RAI14: variants seen among roughly 807,000 people sequenced by gnomAD.
RAI14 encodes the protein ankycorbin.
A neutral mutation model predicts 115.4 loss-of-function variants in RAI14; 45 were observed. The observed-to-expected ratio is 0.39, with a 90% CI of 0.31 to 0.50. RAI14 has a LOEUF of 0.50. Ranked by LOEUF, RAI14 falls within the 20% of genes least tolerant of loss-of-function variation. RAI14 has a pLI of 0.85. For synonymous variants in RAI14, 371 were observed against 415.4 expected (o/e 0.89, Z 1.30); for missense variants, 939 against 1,131.2 (o/e 0.83, Z 2.44).
rs372212504 is a variant in RAI14, at chr5:34,708,206, TG to T, written c.36+21252del. On this transcript the variant is annotated intron_variant, in intron 2 of 17. Transcript: ENST00000265109. ...TAAGTATAAGGGAACTTTGGGTTTTTGTTTTTTTTTTTTGAGACCGAGTTTC... is the reference window on the plus strand; with the variant it reads ...TAAGTATAAGGGAACTTTGGGTTTTTTTTTTTTTTTTTGAGACCGAGTTTC... Among the ~76,000 whole-genome samples the T allele has an allele frequency of 1.5e-3, 228 of 150,988 alleles. 2 individuals are homozygous for T. Among genetic ancestry groups the T allele is most frequent in the African/African-American group, 5.1e-3 (208 of 41,064 alleles).
rs191034843 is a variant in RAI14 at position 34,660,301 on chromosome 5, G to A, written c.-49+3826G>A. Reference sequence around the variant, plus strand: ...TACAAAATTACCCAGGCGTGGTGGCGCATGCCTGTAATCCCAGCTACTCGG... The same window carrying A: ...TACAAAATTACCCAGGCGTGGTGGCACATGCCTGTAATCCCAGCTACTCGG... On this transcript the variant is annotated intron_variant, in intron 1 of 17. Transcript: ENST00000265109. Among the ~76,000 whole-genome samples the A allele has an allele frequency of 5.8e-4, 89 of 152,236 alleles. 1 individual carries two copies. The highest frequency in any genetic ancestry group is 3.4e-3 in the Middle Eastern group (1 of 294).
Position 34,822,961 on chromosome 5 carries a change from A to T in RAI14, c.1119A>T (p.Lys373Asn). ...NKELQDKLQAKSPKEAEADLS... is the reference protein window; with the variant it reads ...NKELQDKLQANSPKEAEADLS... ...TTCTTGCTTTTTTTTCCTAGGCCAA[A>T]TCACCCAAGGAGGCGGAAGCAGACC... The change falls in exon 15 of 18, where the codon AAA (lysine) becomes AAT (asparagine). Residue 373 changes from lysine (K) to asparagine (N), a missense_variant. Transcript: ENST00000265109. 2 of 1,607,370 alleles carry T rather than the reference A, an allele frequency of 1.2e-6. No individual in the cohort carries two copies. The highest frequency in any genetic ancestry group is 1.1e-5 in the South Asian group (1 of 90,178).
At chr5:34,812,247 G>A (rs1451443447) in intron 10 of RAI14, 39 bp downstream of exon 10, 1 of 1,523,062 alleles carries the variant, frequency 6.6e-7, no homozygotes, top group Non-Finnish European at 9.0e-7. Context: ...TTTCATTTAT[G>A]CTTGTGGGAA....
chr5:34,679,911 G>A (rs575908166), intron 1 of RAI14, among the ~76,000 whole-genome samples: 18 of 152,276 alleles, frequency 1.2e-4, no homozygotes, highest in South Asian at 8.3e-4. Context: ...TGGGATCCAC[G>A]AGAGCCTTGC....
Position 34,829,666 on chromosome 5 carries a change from GT to G in RAI14, c.2800-60del, listed in dbSNP as rs982267259. 45 of 1,386,284 alleles carry G rather than the reference GT, an allele frequency of 3.2e-5. No individual in the cohort carries two copies. The Admixed American group carries it at 3.4e-4, about 10-fold the overall frequency. The allele number at this position is 1,386,284 out of a possible 1,614,324, so 85.9% of individuals were successfully genotyped here. A position where few individuals can be genotyped will look rare whatever the true frequency, so the allele number is the denominator to read the frequency against. Reference sequence around the variant, plus strand: ...AGCATTTGGCTGCAGCTTTCTCATAGTTTTTTGTTTTTGTTCTTTAAAGATC... The same window carrying G: ...AGCATTTGGCTGCAGCTTTCTCATAGTTTTTGTTTTTGTTCTTTAAAGATC... On this transcript the variant is annotated intron_variant, in intron 16 of 17. Coordinates refer to ENST00000265109, the MANE Select transcript of RAI14 (RefSeq NM_015577.3).
chr5:34,826,509 T>G (rs1404450379), intron 16 of RAI14, 30 bp downstream of exon 16: 1 of 1,604,766 alleles, frequency 6.2e-7, no homozygotes, highest in East Asian at 2.2e-5. Flanking sequence ...CTGCCTGGTT[T>G]GGGGTGGAGG....
At chr5:34,803,378 T>C (rs1754498495) in intron 4 of RAI14, among the ~76,000 whole-genome samples, 1 of 152,060 alleles carries the variant, frequency 6.6e-6, no homozygotes, top group Non-Finnish European at 1.5e-5. Flanking sequence ...CGAAATCTCA[T>C]CTCTACAAAA....
intron 2 of RAI14, among the ~76,000 whole-genome samples, chr5:34,736,644 C>A (rs1227984304): frequency 6.6e-6 from 1 of 152,080 alleles, no homozygotes; most frequent in Non-Finnish European, 1.5e-5. Context: ...CTCAAGGGAT[C>A]CTCCTGCCTT....
chr5:34,665,055 G>GTGTATATATA (rs1743020967), intron 1 of RAI14, among the ~76,000 whole-genome samples: 1 of 23,764 alleles, frequency 4.2e-5, no homozygotes, highest in South Asian at 1.4e-3. Context: ...GTATATATAT[G>GTGTATATATA]TGTATATATA....
At chr5:34,669,976 G>A (rs934372735) in intron 1 of RAI14, among the ~76,000 whole-genome samples, 6 of 152,158 alleles carry the variant, frequency 3.9e-5, no homozygotes, top group African/African-American at 7.2e-5. Context: ...TGTTGACTCC[G>A]TGAATTTAAT....
chr5:34,715,972 G>A (rs1741932823), intron 2 of RAI14: 1 of 341,704 alleles, frequency 2.9e-6, no homozygotes, highest in African/African-American at 2.3e-5. Flanking sequence ...AGCATTTCCT[G>A]GCAGGAATTT....
intron 2 of RAI14, among the ~76,000 whole-genome samples, chr5:34,695,588 CTG>C (rs1215405319): frequency 2.6e-5 from 4 of 152,198 alleles, no homozygotes; most frequent in Non-Finnish European, 4.4e-5. Flanking sequence ...CAAAGAAAGA[CTG>C]TGAAATATCA....
chr5:34,795,767 G>A (rs1324080590), intron 3 of RAI14, among the ~76,000 whole-genome samples, 172 bp from the exon 4 acceptor site: 3 of 141,274 alleles, frequency 2.1e-5, no homozygotes, highest in African/African-American at 5.3e-5. Context: ...CTGAGCTTCT[G>A]TTTCCTCCTC....
chr5:34,767,541 T>C (rs1384554434), intron 3 of RAI14, among the ~76,000 whole-genome samples: 4 of 151,944 alleles, frequency 2.6e-5, no homozygotes, highest in Admixed American at 1.3e-4. Context: ...CACTTCTGCT[T>C]TCCCTGCTCA....
intron 3 of RAI14, among the ~76,000 whole-genome samples, chr5:34,779,152 G>C (rs549084005): frequency 2.6e-5 from 4 of 152,146 alleles, no homozygotes; most frequent in African/African-American, 4.8e-5. Flanking sequence ...ATGCAGAAAA[G>C]GCCTTTGAAA....
intron 16 of RAI14, among the ~76,000 whole-genome samples, chr5:34,829,174 CACAT>C (rs1365824105): frequency 1.4e-3 from 155 of 114,022 alleles, no homozygotes; most frequent in African/African-American, 4.8e-3. Flanking sequence ...CACACACACA[CACAT>C]ACACACACAC....
intron 3 of RAI14, among the ~76,000 whole-genome samples, chr5:34,780,552 A>G (rs1201433348): frequency 6.6e-6 from 1 of 152,230 alleles, no homozygotes; most frequent in African/African-American, 2.4e-5. Flanking sequence ...CCCATCAAAA[A>G]GTGGGCAAAG....
At chr5:34,662,347 A>G (rs1742755890) in intron 1 of RAI14, among the ~76,000 whole-genome samples, 1 of 152,230 alleles carries the variant, frequency 6.6e-6, no homozygotes, top group African/African-American at 2.4e-5. Context: ...AACATTCACT[A>G]TTATAGCACT....
Position 34,818,779 on chromosome 5 carries a change from A to G in RAI14, c.940-18A>G, listed in dbSNP as rs1250177124. The G allele has an allele frequency of 1.9e-6, 3 of 1,598,060 alleles. No homozygotes were observed. In the African/African-American group the frequency reaches 4.0e-5, roughly 22 times the overall value. ...TACATTTAGAAATGTTCTTTAAGTCATTTTTGTGTTTCAATAGGCTGAGAT... is the reference window on the plus strand; with the variant it reads ...TACATTTAGAAATGTTCTTTAAGTCGTTTTTGTGTTTCAATAGGCTGAGAT... On this transcript the variant is annotated intron_variant, in intron 12 of 17. Transcript: ENST00000265109.
Sources: allele counts gnomAD v4.1 joint callset (sites outside exome capture counted in the v4.1 genomes callset), GRCh38; gene constraint gnomAD v4.1.1; transcripts MANE v1.5; gene names NCBI Gene and HGNC (gene_info 2026-07-23, HGNC 2026-07-21).